ANOS1: variants seen among roughly 807,000 people sequenced by gnomAD.
ANOS1 encodes anosmin-1.
In ANOS1, 6 loss-of-function variants were observed where a neutral mutation model predicts 59.0. The observed-to-expected ratio is 0.10, with a 90% confidence interval of 0.06 to 0.20. The LOEUF (loss-of-function observed/expected upper bound fraction) is 0.20, where lower values mean the gene tolerates loss of function less well. Among genes scored for constraint, ANOS1 ranks in the 10% least tolerant of loss-of-function variants. The probability of loss-of-function intolerance (pLI) is 1.00; values close to 1 mark genes in which losing one functional copy is unlikely to be tolerated. For synonymous variants in ANOS1, 217 were observed against 223.4 expected (o/e 0.97, Z 0.25); for missense variants, 433 against 542.3 (o/e 0.80, Z 2.00).
In ANOS1 at chrX:8,604,314, G is replaced by A. The variant is rs139724518; in HGVS notation, c.319-7058C>T. Among the ~76,000 whole-genome samples the A allele has an allele frequency of 7.3e-4, 81 of 111,286 alleles. No homozygotes were observed. In the East Asian group the frequency reaches 0.02, roughly 27 times the overall value. On this transcript the variant is annotated intron_variant, in intron 3 of 13. Coordinates refer to ENST00000262648, the MANE Select transcript of ANOS1 (RefSeq NM_000216.4). ...CTGACCCGTTTCTTCAGCATTCCAG[G>A]CATGGACCCTGGAAACTGCACTTTG...
At chrX:8,716,858 C>T (rs1932844412) in intron 1 of ANOS1, among the ~76,000 whole-genome samples, 1 of 111,927 alleles carries the variant, frequency 8.9e-6, no homozygotes, top group South Asian at 3.7e-4. Context: ...AAAACATATA[C>T]AGATAGAGAC....
chrX:8,718,977 T>G (rs979928765), intron 1 of ANOS1, among the ~76,000 whole-genome samples: 2 of 112,233 alleles, frequency 1.8e-5, no homozygotes, highest in African/African-American at 6.5e-5. Flanking sequence ...GATGATTCTA[T>G]TATCACTATT....
intron 1 of ANOS1, among the ~76,000 whole-genome samples, chrX:8,724,332 G>T (rs756602910): frequency 4.5e-5 from 5 of 111,833 alleles, no homozygotes; most frequent in African/African-American, 6.5e-5. Flanking sequence ...TCTCGGACAT[G>T]AGGTAATATT....
intron 2 of ANOS1, among the ~76,000 whole-genome samples, chrX:8,649,365 G>C (rs1327234013): frequency 2.7e-5 from 3 of 111,395 alleles, no homozygotes; most frequent in African/African-American, 6.6e-5. Flanking sequence ...ACTATGTCTA[G>C]GGCAATATAT....
At chrX:8,564,983 G>A (rs1433575443) in intron 8 of ANOS1, among the ~76,000 whole-genome samples, 1 of 111,695 alleles carries the variant, frequency 9.0e-6, no homozygotes, top group Non-Finnish European at 1.9e-5. Flanking sequence ...CTGAGTTACA[G>A]GGTTGTGTGG....
chrX:8,650,283 G>A (rs1408851482), intron 2 of ANOS1, among the ~76,000 whole-genome samples: 1 of 112,527 alleles, frequency 8.9e-6, no homozygotes, highest in African/African-American at 3.2e-5. Context: ...AGATCCTGAA[G>A]CCTTCTTGGA....
intron 7 of ANOS1, 47 bp from the exon 8 acceptor site, chrX:8,568,423 G>A (rs775798268): frequency 1.4e-5 from 16 of 1,116,710 alleles, no homozygotes; most frequent in Middle Eastern, 2.5e-4. Flanking sequence ...AACCTTCCAC[G>A]TCTCTCATCT....
chrX:8,712,983 C>G (rs1251815390), intron 1 of ANOS1, among the ~76,000 whole-genome samples: 1 of 111,182 alleles, frequency 9.0e-6, no homozygotes, highest in Non-Finnish European at 1.9e-5. Flanking sequence ...CCCATTCTCT[C>G]CCAGGAGACC....
intron 3 of ANOS1, among the ~76,000 whole-genome samples, chrX:8,600,036 T>G (rs1930813900): frequency 1.8e-5 from 2 of 112,222 alleles, no homozygotes; most frequent in Admixed American, 1.9e-4. Context: ...AAGGAATATC[T>G]TAGTAATCCT....
intron 1 of ANOS1, among the ~76,000 whole-genome samples, chrX:8,705,272 T>C (rs1735268799): frequency 8.9e-6 from 1 of 112,122 alleles, no homozygotes; most frequent in African/African-American, 3.2e-5. Flanking sequence ...CCCTCATTCA[T>C]CTTTTGCATT....
At chrX:8,552,807 CTTAT>C (rs1451349664) in intron 9 of ANOS1, among the ~76,000 whole-genome samples, 178 of 108,725 alleles carry the variant, frequency 1.6e-3, no homozygotes, top group African/African-American at 5.4e-3. Flanking sequence ...AAATACTTTT[CTTAT>C]TTAATATTTA....
intron 2 of ANOS1, among the ~76,000 whole-genome samples, chrX:8,681,704 C>T (rs1202582258): frequency 1.8e-5 from 2 of 111,896 alleles, no homozygotes; most frequent in Non-Finnish European, 3.8e-5. Context: ...GAGAGGGTCA[C>T]TCTGTCCAGC....
intron 12 of ANOS1, chrX:8,535,172 C>G (rs762967130): frequency 1.5e-5 from 2 of 130,974 alleles, no homozygotes; most frequent in African/African-American, 3.3e-5. Context: ...ATTACAGCCT[C>G]GAGCCAAATT....
intron 2 of ANOS1, among the ~76,000 whole-genome samples, chrX:8,640,966 A>G (rs1931654017): frequency 8.9e-6 from 1 of 112,125 alleles, no homozygotes. Context: ...GTTTTCTCAG[A>G]AAACAGAATT....
At chrX:8,619,387 C>T (rs1296304478) in intron 3 of ANOS1, among the ~76,000 whole-genome samples, 2 of 111,623 alleles carry the variant, frequency 1.8e-5, no homozygotes, top group African/African-American at 3.3e-5. Context: ...GGGCGGATCA[C>T]AAGGTCAGGA....
At chrX:8,561,444 C>T (rs1475012260) in intron 8 of ANOS1, among the ~76,000 whole-genome samples, 3 of 103,983 alleles carry the variant, frequency 2.9e-5, no homozygotes, top group East Asian at 3.0e-4. Context: ...GGACTACAGG[C>T]GCTCACCACC....
chrX:8,728,435 C>G (rs1476986264), intron 1 of ANOS1, among the ~76,000 whole-genome samples: 1 of 111,786 alleles, frequency 8.9e-6, no homozygotes, highest in Admixed American at 9.5e-5. Context: ...CTTCTCTCCC[C>G]CACTGGGCAT....
chrX:8,678,088 C>A (rs780848785), intron 2 of ANOS1, among the ~76,000 whole-genome samples: 9 of 112,339 alleles, frequency 8.0e-5, no homozygotes, highest in Non-Finnish European at 1.3e-4. Context: ...TCTCCACAGA[C>A]CTGCGCTGAT....
At chrX:8,578,332 A>AG in intron 6 of ANOS1, among the ~76,000 whole-genome samples, 1 of 109,761 alleles carries the variant, frequency 9.1e-6, no homozygotes, top group African/African-American at 3.3e-5. Flanking sequence ...AAAAAAAAAA[A>AG]CTTAGCAAAG....
Sources: gnomAD v4.1 joint callset for allele counts (sites outside exome capture counted in the v4.1 genomes callset) on GRCh38, gnomAD v4.1.1 for gene constraint, MANE v1.5 for transcripts, NCBI Gene and HGNC (gene_info 2026-07-23, HGNC 2026-07-21) for gene names.